RPA1: variants seen among roughly 807,000 people sequenced by gnomAD.
RPA1 encodes the protein replication protein A 70 kDa DNA-binding subunit.
Under a neutral mutation model 83.0 loss-of-function variants are expected in RPA1, and 49 were observed. The observed-to-expected ratio is 0.59, with a 90% CI of 0.47 to 0.75. The LOEUF (loss-of-function observed/expected upper bound fraction) is 0.75. RPA1 is among the 30% of genes least tolerant of loss of function. The pLI is 0.00. For missense variants in RPA1, 693 were observed against 776.1 expected (o/e 0.89, Z 1.27); for synonymous variants, 279 against 281.8 (o/e 0.99, Z 0.10).
chr17:1,862,188 AAC>A (rs1913000611), intron 5 of RPA1, among the ~76,000 whole-genome samples: 5 of 130,596 alleles, frequency 3.8e-5, no homozygotes, highest in Non-Finnish European at 4.8e-5. Flanking sequence ...CACCGCCCCC[AAC>A]CGTATTTTTT....
At chr17:1,839,383 T>A (rs1451196121) in intron 1 of RPA1, among the ~76,000 whole-genome samples, 1 of 152,044 alleles carries the variant, frequency 6.6e-6, no homozygotes, top group Non-Finnish European at 1.5e-5. Context: ...TGGAGTGCAG[T>A]GGTGAGATCT....
At chr17:1,894,321 T>C (rs563543999) in intron 15 of RPA1, among the ~76,000 whole-genome samples, 22 of 152,120 alleles carry the variant, frequency 1.4e-4, no homozygotes, top group African/African-American at 4.1e-4. Flanking sequence ...CACCTGCCAC[T>C]ATGCCCAGCT....
intron 15 of RPA1, among the ~76,000 whole-genome samples, chr17:1,893,201 T>G (rs1362136072): frequency 6.6e-6 from 1 of 152,240 alleles, no homozygotes; most frequent in Non-Finnish European, 1.5e-5. Flanking sequence ...TGTCTGTTTT[T>G]ACCTGGTCTT....
intron 5 of RPA1, among the ~76,000 whole-genome samples, chr17:1,860,019 G>A (rs1912882228): frequency 6.6e-6 from 1 of 152,150 alleles, no homozygotes; most frequent in Admixed American, 6.5e-5. Context: ...CACCATGTTG[G>A]CCAGGATGGT....
At chr17:1,855,878 A>G (rs1912673567) in intron 5 of RPA1, among the ~76,000 whole-genome samples, 4 of 151,962 alleles carry the variant, frequency 2.6e-5, no homozygotes, top group Admixed American at 2.0e-4. Flanking sequence ...ATAGAGAGAT[A>G]CAGGGTTATT....
In RPA1 at chr17:1,844,586, T is replaced by C; in HGVS notation, c.172T>C (p.Leu58=). The C allele has an allele frequency of 1.2e-6, 2 of 1,612,948 alleles. No individual in the cohort carries two copies. Among genetic ancestry groups the C allele is most frequent in the East Asian group, 2.2e-5 (1 of 44,876 alleles). The change falls in exon 4 of 17, where the codon TTG becomes CTG. Residue 58 remains leucine, a synonymous_variant. Coordinates refer to ENST00000254719, the MANE Select transcript of RPA1 (RefSeq NM_002945.5). The stretch of plus-strand genomic sequence containing the variant: ...ATCTCTGTGGTTTTCAGCTTTCATG[T>C]TGGCGACACAGTTGAACCCTCTCGT... ...DGLNTLSSFM[L]ATQLNPLVEE...
rs758736984 is a variant in RPA1 at position 1,888,666 on chromosome 17, C to A, written c.1375-9C>A. ...ACTCCGTGCCTCATGCTGTTCTTTT[C>A]TCCCGAAGCCGGACTACTTTAGTTC... On this transcript the variant is annotated splice_polypyrimidine_tract_variant and intron_variant, in intron 13 of 16. Transcript: ENST00000254719. 9 of 1,605,186 alleles carry A rather than the reference C, an allele frequency of 5.6e-6. No homozygotes were observed. The East Asian group carries it at 2.0e-4, about 36-fold the overall frequency.
intron 14 of RPA1, among the ~76,000 whole-genome samples, chr17:1,890,946 T>C (rs1597460652): frequency 6.6e-6 from 1 of 152,220 alleles, no homozygotes; most frequent in African/African-American, 2.4e-5. Context: ...TAGCGTGGGT[T>C]AAAGGAAGTG....
chr17:1,883,302 T>G (rs941500202), intron 12 of RPA1, among the ~76,000 whole-genome samples: 1 of 152,148 alleles, frequency 6.6e-6, no homozygotes, highest in African/African-American at 2.4e-5. Flanking sequence ...TAGCTGGGAT[T>G]ACAGGCACCC....
chr17:1,887,554 T>G, intron 13 of RPA1, among the ~76,000 whole-genome samples: 1 of 146,096 alleles, frequency 6.8e-6, no homozygotes, highest in African/African-American at 2.6e-5. Context: ...CGAGACTCCG[T>G]CTCAGAAAAA....
intron 4 of RPA1, among the ~76,000 whole-genome samples, chr17:1,846,623 C>T (rs1912269728): frequency 6.6e-6 from 1 of 152,024 alleles, no homozygotes; most frequent in African/African-American, 2.4e-5. Context: ...GCCGGCCGTC[C>T]ATATTCTTTT....
chr17:1,865,602 C>T (rs1240998140), intron 5 of RPA1, among the ~76,000 whole-genome samples: 1 of 152,130 alleles, frequency 6.6e-6, no homozygotes, highest in Non-Finnish European at 1.5e-5. Flanking sequence ...AGAAATCTTA[C>T]TCCTACCCTT....
rs749015586 is a variant in RPA1 at position 1,880,528 on chromosome 17, G to A, written c.1093-15G>A. On this transcript the variant is annotated splice_polypyrimidine_tract_variant and intron_variant, in intron 11 of 16. Coordinates refer to ENST00000254719, the MANE Select transcript of RPA1 (RefSeq NM_002945.5). ...TGCTAGTGACACTTGTATATGTCTG[G>A]TGTTTCTTTTACAGGCTGATAAATT... 5.0e-6 allele frequency: 8 copies of A among 1,611,548 alleles called. No individual in the cohort carries two copies. Among genetic ancestry groups the A allele is most frequent in the East Asian group, 4.5e-5 (2 of 44,772 alleles).
At chr17:1,889,165 G>A (rs534483286) in intron 14 of RPA1, among the ~76,000 whole-genome samples, 3 of 152,246 alleles carry the variant, frequency 2.0e-5, no homozygotes, top group South Asian at 2.1e-4. Context: ...GCCAATGCCC[G>A]TATTTAGTCA....
intron 4 of RPA1, among the ~76,000 whole-genome samples, chr17:1,849,652 C>T (rs1279730796): frequency 2.6e-5 from 4 of 151,014 alleles, no homozygotes; most frequent in Non-Finnish European, 5.9e-5. Flanking sequence ...GTATTGACAG[C>T]GCTGTCAAAA....
chr17:1,882,828 A>G (rs771277267), intron 12 of RPA1, among the ~76,000 whole-genome samples: 4 of 152,238 alleles, frequency 2.6e-5, no homozygotes, highest in Admixed American at 6.5e-5. Flanking sequence ...AGATTAAAGG[A>G]CTACCCCAGA....
chr17:1,830,686 C>G (rs1487067355), intron 1 of RPA1: 3 of 152,406 alleles, frequency 2.0e-5, no homozygotes, highest in Middle Eastern at 6.8e-3. Flanking sequence ...CAGGTCTATC[C>G]CCGTCTTATT....
At chr17:1,880,901 G>A (rs1356733141) in intron 12 of RPA1, among the ~76,000 whole-genome samples, 1 of 152,226 alleles carries the variant, frequency 6.6e-6, no homozygotes, top group Admixed American at 6.5e-5. Context: ...AACCTAGAGA[G>A]TCGGAGGAGG....
At chr17:1,892,083 C>A in intron 15 of RPA1, 143 bp downstream of exon 15, 1 of 441,886 alleles carries the variant, frequency 2.3e-6, no homozygotes, top group Non-Finnish European at 4.0e-6. Context: ...CTCAGCTCAC[C>A]GCAGTCTCCG....
Sources: allele counts gnomAD v4.1 joint callset (sites outside exome capture counted in the v4.1 genomes callset), GRCh38; gene constraint gnomAD v4.1.1; transcripts MANE v1.5; gene names NCBI Gene and HGNC (gene_info 2026-07-23, HGNC 2026-07-21).